ERG: variants seen among roughly 807,000 people sequenced by gnomAD.
The protein encoded by ERG is ETS transcription factor ERG.
In ERG, 9 loss-of-function variants were observed where a neutral mutation model predicts 55.3. The ratio of observed to expected loss-of-function variants is 0.16; its 90% CI spans 0.10 to 0.28. The LOEUF (loss-of-function observed/expected upper bound fraction) is 0.28. Ranked by LOEUF, ERG falls within the 10% of genes least tolerant of loss-of-function variation. The pLI is 1.00. For missense variants in ERG, 434 were observed against 631.6 expected (o/e 0.69, Z 3.35); for synonymous variants, 223 against 237.3 (o/e 0.94, Z 0.55).
chr21:38,608,695 T>G (rs889359475), intron 1 of ERG, among the ~76,000 whole-genome samples: 3 of 152,142 alleles, frequency 2.0e-5, no homozygotes, highest in Non-Finnish European at 4.4e-5. Flanking sequence ...GAAAGAAAAG[T>G]CAGACAATTT....
chr21:38,657,250 T>G (rs1346524123), intron 1 of ERG, among the ~76,000 whole-genome samples: 1 of 152,224 alleles, frequency 6.6e-6, no homozygotes, highest in African/African-American at 2.4e-5. Context: ...CACATTCTCC[T>G]GAACACGCAC....
chr21:38,537,079 T>C (rs1158916324), intron 2 of ERG, among the ~76,000 whole-genome samples: 1 of 152,130 alleles, frequency 6.6e-6, no homozygotes, highest in Non-Finnish European at 1.5e-5. Flanking sequence ...ACAACTGGTG[T>C]TGGGAAAACT....
intron 1 of ERG, among the ~76,000 whole-genome samples, chr21:38,472,574 G>C (rs998207137): frequency 3.9e-5 from 6 of 152,196 alleles, no homozygotes; most frequent in African/African-American, 1.4e-4. Context: ...TCCCACGTGA[G>C]GTGGCAATAT....
chr21:38,522,971 G>C (rs774844800), intron 2 of ERG, among the ~76,000 whole-genome samples: 9 of 152,138 alleles, frequency 5.9e-5, no homozygotes, highest in Middle Eastern at 3.2e-3. Context: ...AAATATGTTT[G>C]GGGAAGAAAT....
At chr21:38,491,424 C>T (rs967064116) in intron 1 of ERG, among the ~76,000 whole-genome samples, 2 of 152,052 alleles carry the variant, frequency 1.3e-5, no homozygotes, top group Non-Finnish European at 2.9e-5. Context: ...ATCATCAAGG[C>T]AGAAGGATTT....
chr21:38,448,267 G>A (rs2058910381), intron 1 of ERG, among the ~76,000 whole-genome samples: 1 of 152,160 alleles, frequency 6.6e-6, no homozygotes, highest in Non-Finnish European at 1.5e-5. Flanking sequence ...CTAGAGATGG[G>A]GGAGGCATGC....
chr21:38,523,161 C>T (rs1166168862), intron 2 of ERG, among the ~76,000 whole-genome samples: 1 of 152,112 alleles, frequency 6.6e-6, no homozygotes, highest in South Asian at 2.1e-4. Flanking sequence ...TATGCCCTAT[C>T]ATTCTTAAAA....
chr21:38,448,630 T>G (rs1235129788), intron 1 of ERG, among the ~76,000 whole-genome samples: 4 of 152,288 alleles, frequency 2.6e-5, no homozygotes, highest in African/African-American at 7.2e-5. Context: ...TGAGGGGTTT[T>G]CACAGACCCA....
chr21:38,652,228 C>T (rs1278867939), intron 1 of ERG, among the ~76,000 whole-genome samples: 2 of 152,268 alleles, frequency 1.3e-5, no homozygotes, highest in East Asian at 1.9e-4. Flanking sequence ...TCCACCCTCC[C>T]GCCCACTGCT....
chr21:38,404,948 G>A (rs544824000), intron 3 of ERG, among the ~76,000 whole-genome samples: 5 of 152,162 alleles, frequency 3.3e-5, no homozygotes, highest in African/African-American at 1.2e-4. Flanking sequence ...GTGAGAAACA[G>A]CCAGCCAGTC....
intron 2 of ERG, among the ~76,000 whole-genome samples, chr21:38,517,909 T>C (rs1169987243): frequency 1.3e-5 from 2 of 151,990 alleles, no homozygotes; most frequent in African/African-American, 2.4e-5. Flanking sequence ...AAAATGTTAA[T>C]GTCATGGAGA....
At chr21:38,434,310 C>G (rs1311724823) in intron 2 of ERG, among the ~76,000 whole-genome samples, 1 of 152,160 alleles carries the variant, frequency 6.6e-6, no homozygotes, top group Non-Finnish European at 1.5e-5. Context: ...CCACATCACC[C>G]CCTAGTCTCT....
At chr21:38,392,506 GT>G in intron 6 of ERG, 62 bp from the exon 7 acceptor site, 1 of 1,213,222 alleles carries the variant, frequency 8.2e-7, no homozygotes. Context: ...AGATGCTTTG[GT>G]TTTTTATTTG....
At chr21:38,559,080 A>G (rs1377732244) in intron 2 of ERG, among the ~76,000 whole-genome samples, 1 of 152,176 alleles carries the variant, frequency 6.6e-6, no homozygotes, top group Admixed American at 6.5e-5. Flanking sequence ...GTACCCCACA[A>G]TGAAAGCAAA....
At chr21:38,458,079 C>T (rs901768082) in intron 1 of ERG, among the ~76,000 whole-genome samples, 3 of 152,194 alleles carry the variant, frequency 2.0e-5, no homozygotes, top group African/African-American at 4.8e-5. Context: ...AAGCCTTAAG[C>T]TCCTGAACTG....
intron 1 of ERG, among the ~76,000 whole-genome samples, chr21:38,627,620 C>T (rs1017435731): frequency 3.3e-5 from 5 of 151,978 alleles, no homozygotes; most frequent in Admixed American, 1.3e-4. Flanking sequence ...CATAAAGAAC[C>T]GTAGAAGCAT....
At chr21:38,629,547 A>T (rs1033664829) in intron 1 of ERG, among the ~76,000 whole-genome samples, 1 of 152,162 alleles carries the variant, frequency 6.6e-6, no homozygotes, top group Non-Finnish European at 1.5e-5. Context: ...AAAATACTCA[A>T]CATCAATGAG....
intron 1 of ERG, among the ~76,000 whole-genome samples, chr21:38,656,568 A>G (rs986721524): frequency 6.6e-6 from 1 of 152,150 alleles, no homozygotes; most frequent in Non-Finnish European, 1.5e-5. Flanking sequence ...TCTTTCTTTT[A>G]CTTTCCAACT....
At chr21:38,571,687 C>A (rs1483759484) in intron 2 of ERG, among the ~76,000 whole-genome samples, 1 of 152,160 alleles carries the variant, frequency 6.6e-6, no homozygotes, top group Non-Finnish European at 1.5e-5. Flanking sequence ...TGCCACAATT[C>A]TTGCACTATT....
Sources: allele counts gnomAD v4.1 joint callset (sites outside exome capture counted in the v4.1 genomes callset), GRCh38; gene constraint gnomAD v4.1.1; transcripts MANE v1.5; gene names NCBI Gene and HGNC (gene_info 2026-07-23, HGNC 2026-07-21).